Variants in GCNT2 observed in about 807,000 individuals in gnomAD.
GCNT2 encodes the protein glucosaminyl (N-acetyl) transferase 2 (I blood group).
GCNT2 carries 34 observed loss-of-function variants against 34.2 expected under a neutral mutation model. The observed-to-expected ratio is 1.00, with a 90% CI of 0.76 to 1.32. The LOEUF (loss-of-function observed/expected upper bound fraction) is 1.32, where lower values mean the gene tolerates loss of function less well. Among genes scored for constraint, GCNT2 ranks in the 40% most tolerant of loss-of-function variants. The pLI, the probability that GCNT2 is intolerant of heterozygous loss-of-function variation, is 0.00. For synonymous variants in GCNT2, 212 were observed against 188.0 expected (o/e 1.13, Z -1.04); for missense variants, 584 against 489.4 (o/e 1.19, Z -1.82).
intron 3 of GCNT2, among the ~76,000 whole-genome samples, chr6:10,603,736 A>G (rs1271178726): frequency 6.7e-6 from 1 of 150,254 alleles, no homozygotes; most frequent in East Asian, 2.0e-4. Context: ...GCTGGTCTTG[A>G]ACTCCTGGTG....
chr6:10,587,166 G>A (rs1403768961), intron 3 of GCNT2, among the ~76,000 whole-genome samples: 1 of 152,158 alleles, frequency 6.6e-6, no homozygotes, highest in African/African-American at 2.4e-5. Context: ...AATTTTAACT[G>A]TTGTTTGAAT....
intron 3 of GCNT2, among the ~76,000 whole-genome samples, chr6:10,597,572 G>A (rs572047561): frequency 6.6e-6 from 1 of 151,994 alleles, no homozygotes; most frequent in Non-Finnish European, 1.5e-5. Flanking sequence ...TTTGTAAAAG[G>A]GCTAGAAGAA....
At chr6:10,541,777 G>A (rs1213312219) in intron 3 of GCNT2, among the ~76,000 whole-genome samples, 1 of 152,064 alleles carries the variant, frequency 6.6e-6, no homozygotes, top group African/African-American at 2.4e-5. Flanking sequence ...TTCCCCCTAG[G>A]CTTTTCTTAG....
chr6:10,564,659 C>T (rs1285134807), intron 3 of GCNT2, among the ~76,000 whole-genome samples: 1 of 152,134 alleles, frequency 6.6e-6, no homozygotes, highest in Non-Finnish European at 1.5e-5. Context: ...TGTGTGACCT[C>T]GGACAAAGTA....
chr6:10,586,026 C>A, intron 3 of GCNT2: 1 of 1,614,108 alleles, frequency 6.2e-7, no homozygotes, highest in Non-Finnish European at 8.5e-7. Context: ...TGCTTTCACT[C>A]TGCTCAGCGT....
In GCNT2 at chr6:10,528,885, G is replaced by A; in HGVS notation, c.-27G>A. ...CACTCTGATCCTATCTCAAGAGAGA[G>A]ATATTTTACTCATTTCCTGGTTGTG... is the stretch of plus-strand genomic sequence containing the variant. On this transcript the variant is annotated 5_prime_UTR_variant, in exon 3 of 5. Transcript: ENST00000495262. 1 of 1,535,660 alleles carries A rather than the reference G, an allele frequency of 6.5e-7. No homozygotes were observed. The highest frequency in any genetic ancestry group is 1.1e-5 in the South Asian group (1 of 89,520).
intron 3 of GCNT2, chr6:10,585,734 C>G (rs974966455): frequency 7.3e-7 from 1 of 1,377,168 alleles, no homozygotes; most frequent in Non-Finnish European, 9.4e-7. Flanking sequence ...CCTTTGCAAA[C>G]AGCAGGGATT....
intron 3 of GCNT2, among the ~76,000 whole-genome samples, chr6:10,534,172 C>T (rs189695379): frequency 1.7e-4 from 12 of 70,556 alleles, no homozygotes; most frequent in East Asian, 7.9e-4. Context: ...GATGGAGTCT[C>T]GCTCTGTCAC....
intron 3 of GCNT2, among the ~76,000 whole-genome samples, chr6:10,585,222 C>T (rs143780869): frequency 1.3e-5 from 2 of 152,174 alleles, no homozygotes; most frequent in Non-Finnish European, 2.9e-5. Flanking sequence ...CACTGTCGCC[C>T]AGGCTGGAGT....
chr6:10,530,126 C>T (rs1005094600), intron 3 of GCNT2: 8 of 315,314 alleles, frequency 2.5e-5, no homozygotes, highest in Non-Finnish European at 4.2e-5. Flanking sequence ...CTTTGGGAGG[C>T]GGAGGCAGGT....
chr6:10,526,347 C>G (rs911002269), intron 1 of GCNT2, among the ~76,000 whole-genome samples: 5 of 152,142 alleles, frequency 3.3e-5, no homozygotes, highest in African/African-American at 1.2e-4. Context: ...TGTGTCCTTT[C>G]TTGTCATCAT....
intron 3 of GCNT2, among the ~76,000 whole-genome samples, chr6:10,573,629 T>C (rs1763652855): frequency 1.3e-5 from 2 of 152,228 alleles, no homozygotes; most frequent in Admixed American, 1.3e-4. Context: ...AGAAGCTTTC[T>C]CAGGGACCCT....
chr6:10,605,243 T>G (rs1328882582), intron 3 of GCNT2, among the ~76,000 whole-genome samples: 2 of 122,356 alleles, frequency 1.6e-5, no homozygotes, highest in Admixed American at 1.0e-4. Flanking sequence ...TGAGACAGAG[T>G]CTCACTCTGC....
At chr6:10,612,659 A>T (rs2127436852) in intron 3 of GCNT2, among the ~76,000 whole-genome samples, 1 of 152,292 alleles carries the variant, frequency 6.6e-6, no homozygotes, top group East Asian at 1.9e-4. Flanking sequence ...CTGTACACAG[A>T]TTTTTCTCAT....
At chr6:10,550,021 A>C (rs777440677) in intron 3 of GCNT2, among the ~76,000 whole-genome samples, 4 of 152,112 alleles carry the variant, frequency 2.6e-5, no homozygotes, top group Non-Finnish European at 5.9e-5. Flanking sequence ...CATGTTTACT[A>C]TGTATTTCCA....
chr6:10,580,668 G>C lies in GCNT2; in HGVS notation c.926-40683G>C, dbSNP rs78483185. 7.7e-3 allele frequency among the ~76,000 whole-genome samples: 1,164 copies of C among 152,054 alleles called. 16 individuals are homozygous for C. The highest frequency in any genetic ancestry group is 0.025 in the African/African-American group (1,035 of 41,470). ...CATTCTGCAGAGGGTGATGAAGAAC[G>C]GCAAGGATTTGAGAGTAGGTCCGAC... On this transcript the variant is annotated intron_variant, in intron 3 of 4. Transcript: ENST00000495262.
In GCNT2 at chr6:10,557,279, C is replaced by T; in HGVS notation, c.925+27443C>T. 1.9e-6 allele frequency: 3 copies of T among 1,613,104 alleles called. No homozygotes were observed. The South Asian group carries it at 3.3e-5, about 18-fold the overall frequency. Reference sequence around the variant, plus strand: ...TGACCCACGGGCTGTTGATTTGCTCCAGTGGTCCAAGGACACTTTCAGTCC... The same window carrying T: ...TGACCCACGGGCTGTTGATTTGCTCTAGTGGTCCAAGGACACTTTCAGTCC... On this transcript the variant is annotated intron_variant, in intron 3 of 4. Coordinates refer to ENST00000495262, the MANE Select transcript of GCNT2 (RefSeq NM_145649.5).
chr6:10,617,323 C>G (rs1257503205), intron 3 of GCNT2, among the ~76,000 whole-genome samples: 4 of 152,316 alleles, frequency 2.6e-5, no homozygotes, highest in Middle Eastern at 3.4e-3. Flanking sequence ...CTGGGCGCCC[C>G]CAGCCCACGC....
intron 3 of GCNT2, among the ~76,000 whole-genome samples, chr6:10,582,356 TAAATA>T (rs1237243181): frequency 9.4e-6 from 1 of 105,986 alleles, no homozygotes; most frequent in Non-Finnish European, 1.6e-5. Flanking sequence ...ATAGTAATAT[TAAATA>T]TAATATATAC....
Sources: gnomAD v4.1 joint callset for allele counts (sites outside exome capture counted in the v4.1 genomes callset) on GRCh38, gnomAD v4.1.1 for gene constraint, MANE v1.5 for transcripts, NCBI Gene and HGNC (gene_info 2026-07-23, HGNC 2026-07-21) for gene names.